Variants in NKAPD1 observed in about 807,000 individuals in gnomAD.
The protein encoded by NKAPD1 is NKAP domain containing 1.
Under a neutral mutation model 30.9 loss-of-function variants are expected in NKAPD1, and 12 were observed. The ratio of observed to expected loss-of-function variants is 0.39; its 90% CI spans 0.25 to 0.63. The LOEUF (loss-of-function observed/expected upper bound fraction) is 0.63, where lower values mean the gene tolerates loss of function less well. Among genes scored for constraint, NKAPD1 ranks in the 20% least tolerant of loss-of-function variants. The pLI is 0.51. For synonymous variants in NKAPD1, 91 were observed against 113.6 expected (o/e 0.80, Z 1.26); for missense variants, 311 against 344.5 (o/e 0.90, Z 0.77).
At chr11:112,078,753 G>A (rs531172949) in intron 3 of NKAPD1, among the ~76,000 whole-genome samples, 130 of 152,068 alleles carry the variant, frequency 8.5e-4, no homozygotes, top group African/African-American at 3.1e-3. Context: ...GTGTCTTGCT[G>A]TGTTCCCCAG....
At chr11:112,080,307 C>G in intron 3 of NKAPD1, 102 bp from the exon 4 acceptor site, 2 of 929,592 alleles carry the variant, frequency 2.2e-6, no homozygotes, top group Non-Finnish European at 3.2e-6. Flanking sequence ...CATGTTGTTT[C>G]CTTCCCCCTC....
At chr11:112,080,721 T>C in intron 4 of NKAPD1, 163 bp downstream of exon 4, 1 of 694,294 alleles carries the variant, frequency 1.4e-6, no homozygotes, top group South Asian at 2.0e-5. Context: ...TGTCAACTGA[T>C]GAATGGGTAA....
chr11:112,082,340 ATACAT>A lies in NKAPD1; in HGVS notation c.375-122_375-118del, dbSNP rs1244065626. 18 of 835,744 alleles carry A rather than the reference ATACAT, an allele frequency of 2.2e-5. No individual in the cohort carries two copies. In the East Asian group the frequency reaches 3.8e-4, roughly 18 times the overall value. 51.8% of individuals were successfully genotyped at this position (835,744 alleles called of 1,614,324 possible). On this transcript the variant is annotated intron_variant, in intron 5 of 5. Transcript: ENST00000393047. ...AATGAGAATATTAAAGTGTTAAAGT[ATACAT>A]TAAAGTGCTTATTTAAAATTCAGAT...
chr11:112,082,412 T>C, intron 5 of NKAPD1, 53 bp from the exon 6 acceptor site: 1 of 1,385,846 alleles, frequency 7.2e-7, no homozygotes, highest in Non-Finnish European at 9.5e-7. Flanking sequence ...AATATTAAAA[T>C]AATACGCTTT....
chr11:112,077,333 C>G (rs998395887), intron 2 of NKAPD1, among the ~76,000 whole-genome samples: 3 of 152,166 alleles, frequency 2.0e-5, no homozygotes, highest in Non-Finnish European at 4.4e-5. Flanking sequence ...AAAATGTGTT[C>G]TTTGGGTAAT....
chr11:112,076,692 A>C (rs574102611), intron 2 of NKAPD1, among the ~76,000 whole-genome samples: 1 of 152,218 alleles, frequency 6.6e-6, no homozygotes, highest in Non-Finnish European at 1.5e-5. Flanking sequence ...TAGGCTGAGG[A>C]GGAAGAAGAG....
intron 5 of NKAPD1, 80 bp downstream of exon 5, chr11:112,082,115 G>T: frequency 7.6e-6 from 9 of 1,187,494 alleles, no homozygotes; most frequent in Non-Finnish European, 9.8e-6. Flanking sequence ...CTTTTACGAA[G>T]AATATACTTG....
chr11:112,078,343 T>C, intron 3 of NKAPD1, 28 bp downstream of exon 3: 1 of 1,502,862 alleles, frequency 6.7e-7, no homozygotes. Context: ...AGAACTAAAA[T>C]AATTCTCATC....
chr11:112,083,623 A>C lies in NKAPD1; in HGVS notation c.*651A>C, dbSNP rs1035874820. The C allele has an allele frequency of 6.6e-6, 1 of 152,636 alleles. No homozygotes were observed. The highest frequency in any genetic ancestry group is 2.4e-5 in the African/African-American group (1 of 41,452). 9.5% of individuals were successfully genotyped at this position (152,636 alleles called of 1,614,324 possible). On this transcript the variant is annotated 3_prime_UTR_variant, in exon 6 of 6. Coordinates refer to ENST00000393047, the MANE Select transcript of NKAPD1 (RefSeq NM_018195.4). ...CTATAGCTATACTTAGTATATGCCT[A>C]AACATGGTAATTGGATAGTAAATGG... is the stretch of plus-strand genomic sequence containing the variant.
intron 2 of NKAPD1, among the ~76,000 whole-genome samples, chr11:112,076,021 G>A (rs1379339982): frequency 6.6e-6 from 1 of 152,166 alleles, no homozygotes; most frequent in Non-Finnish European, 1.5e-5. Flanking sequence ...GCATTAATAT[G>A]GCAACGAGAA....
In NKAPD1 at chr11:112,082,857, A is replaced by C; in HGVS notation, c.767A>C (p.Glu256Ala). 4 of 1,613,986 alleles carry C rather than the reference A, an allele frequency of 2.5e-6. No individual in the cohort carries two copies. The highest frequency in any genetic ancestry group is 3.4e-6 in the Non-Finnish European group (4 of 1,179,998). ...DTKKTKRKKR[E>A]KKAHTSVANN... ...AAGAAAACCAAAAGGAAAAAGAGAG[A>C]GAAAAAAGCCCATACCTCTGTAGCC... is the stretch of plus-strand genomic sequence containing the variant. The change falls in exon 6 of 6, where the codon GAG becomes GCG. Residue 256 changes from glutamate to alanine, a missense_variant. Glu to Ala is a moderately radical substitution (Grantham distance 107). Transcript: ENST00000393047.
At position 112,074,465 on chromosome 11, in the gene NKAPD1, A is replaced by C. The variant is rs1555185315; in HGVS notation, c.-460A>C. The C allele has an allele frequency of 2.5e-6, 1 of 398,924 alleles. No homozygotes were observed. Among genetic ancestry groups the C allele is most frequent in the Non-Finnish European group, 4.4e-6 (1 of 226,140 alleles). The allele number at this position is 398,924 out of a possible 1,614,324, so 24.7% of individuals were successfully genotyped here. On this transcript the variant is annotated 5_prime_UTR_variant, in exon 1 of 6. Coordinates refer to ENST00000393047, the MANE Select transcript of NKAPD1 (RefSeq NM_018195.4). ...AGGGATCCCGGTGACAAAGATGGGGATATTTCCTCTGTCTTCCACTTGGAA... is the reference window on the plus strand; with the variant it reads ...AGGGATCCCGGTGACAAAGATGGGGCTATTTCCTCTGTCTTCCACTTGGAA...
chr11:112,079,422 C>T (rs1865397656), intron 3 of NKAPD1, among the ~76,000 whole-genome samples: 1 of 152,184 alleles, frequency 6.6e-6, no homozygotes, highest in African/African-American at 2.4e-5. Context: ...GCTGGGATTA[C>T]AGGCGTGAGC....
Position 112,085,049 on chromosome 11 carries a change from A to C in NKAPD1, c.*2077A>C, listed in dbSNP as rs1181709207. ...AGAGATCTCTATATTAAATTCTAAA[A>C]TGGGATTAAAAGAAGAGTTGGAGAA... On this transcript the variant is annotated 3_prime_UTR_variant, in exon 6 of 6. Transcript: ENST00000393047. 1.1e-5 allele frequency: 4 copies of C among 358,058 alleles called. No homozygotes were observed. The highest frequency in any genetic ancestry group is 2.0e-5 in the Non-Finnish European group (4 of 197,982). The allele number at this position is 358,058 out of a possible 1,614,324, so 22.2% of individuals were successfully genotyped here.
At chr11:112,081,925 T>C in intron 4 of NKAPD1, 57 bp from the exon 5 acceptor site, 1 of 1,486,284 alleles carries the variant, frequency 6.7e-7, no homozygotes, top group South Asian at 1.1e-5. Flanking sequence ...AATGTTGCTT[T>C]AATTTCCAAA....
chr11:112,079,286 C>T (rs768004161), intron 3 of NKAPD1, among the ~76,000 whole-genome samples: 4 of 151,736 alleles, frequency 2.6e-5, no homozygotes, highest in Non-Finnish European at 5.9e-5. Context: ...GCTGGGATTA[C>T]AGGCACCTGC....
chr11:112,075,419 A>G (rs1805712244), intron 1 of NKAPD1, 148 bp from the exon 2 acceptor site: 1 of 616,428 alleles, frequency 1.6e-6, no homozygotes, highest in Admixed American at 3.4e-5. Flanking sequence ...TCCCTCTTTT[A>G]ATGGTAAAGG....
rs865842013 is a variant in NKAPD1, at chr11:112,080,677, C to T, written c.320+119C>T. The T allele has an allele frequency of 1.2e-4, 138 of 1,169,306 alleles. 1 individual carries two copies. The Middle Eastern group carries it at 3.2e-3, about 27-fold the overall frequency. The allele number at this position is 1,169,306 out of a possible 1,614,324, so 72.4% of individuals were successfully genotyped here. A position where few individuals can be genotyped will look rare whatever the true frequency, so the allele number is the denominator to read the frequency against. ...TTCATACCAGCATTATTAATAATGG[C>T]CCCAAAAAATAATGGCCAAGTAATC... On this transcript the variant is annotated intron_variant, in intron 4 of 5. Coordinates refer to ENST00000393047, the MANE Select transcript of NKAPD1 (RefSeq NM_018195.4).
At position 112,083,074 on chromosome 11, in the gene NKAPD1, A is replaced by G; in HGVS notation, c.*102A>G. The G allele has an allele frequency of 7.8e-7, 1 of 1,283,242 alleles. No homozygotes were observed. 79.5% of individuals were successfully genotyped at this position (1,283,242 alleles called of 1,614,324 possible). A position where few individuals can be genotyped will look rare whatever the true frequency, so the allele number is the denominator to read the frequency against. ...TGTTCAGCACGGGGCCTGAGGTCAG[A>G]GCTGTCTTGTGCCATCTGTATGTTC... is the stretch of plus-strand genomic sequence containing the variant. On this transcript the variant is annotated 3_prime_UTR_variant, in exon 6 of 6. Transcript: ENST00000393047.
Sources: allele counts gnomAD v4.1 joint callset (sites outside exome capture counted in the v4.1 genomes callset), GRCh38; gene constraint gnomAD v4.1.1; transcripts MANE v1.5; gene names NCBI Gene and HGNC (gene_info 2026-07-23, HGNC 2026-07-21).